Variants in PID1 observed in about 807,000 individuals in gnomAD.
PID1 encodes phosphotyrosine interaction domain containing 1, also known as PTB-containing, cubilin and LRP1-interacting protein.
PID1 carries 10 observed loss-of-function variants against 19.1 expected under a neutral mutation model. The ratio of observed to expected loss-of-function variants is 0.52; its 90% CI spans 0.32 to 0.89. PID1 has a LOEUF of 0.89. Ranked by LOEUF, PID1 falls within the 40% of genes least tolerant of loss-of-function variation. The pLI, the probability that PID1 is intolerant of heterozygous loss-of-function variation, is 0.03. For missense variants in PID1, 248 were observed against 285.3 expected, an observed-to-expected ratio of 0.87 and a Z score of 0.94; for synonymous variants, 130 against 116.0, an observed-to-expected ratio of 1.12 and a Z score of -0.78.
At chr2:229,142,172 A>G (rs1690029742) in intron 2 of PID1, among the ~76,000 whole-genome samples, 1 of 152,146 alleles carries the variant, frequency 6.6e-6, no homozygotes, top group South Asian at 2.1e-4. Context: ...GAATGGCAGT[A>G]TTTTATTTAT....
chr2:229,154,449 T>C (rs1376412505), intron 2 of PID1, among the ~76,000 whole-genome samples: 1 of 152,198 alleles, frequency 6.6e-6, no homozygotes, highest in Non-Finnish European at 1.5e-5. Flanking sequence ...CATGCTTGTT[T>C]ACCTAGATTT....
At chr2:229,047,577 GATA>G (rs1259067055) in intron 2 of PID1, among the ~76,000 whole-genome samples, 1 of 152,108 alleles carries the variant, frequency 6.6e-6, no homozygotes, top group Non-Finnish European at 1.5e-5. Flanking sequence ...AAAATATAAA[GATA>G]ATAATAACAT....
At position 229,261,147 on chromosome 2, in the gene PID1, C is replaced by A. The variant is rs115783289; in HGVS notation, c.30+9867G>T. On this transcript the variant is annotated intron_variant, in intron 1 of 2. Transcript: ENST00000392055. The stretch of plus-strand genomic sequence containing the variant: ...CCAAAGGTTGCCAGTAAACTACCAG[C>A]AGCTAGGAGAAAGCCAGGAGCTGTG... 4.5e-3 allele frequency among the ~76,000 whole-genome samples: 681 copies of A among 152,244 alleles called. 2 individuals are homozygous for A. The highest frequency in any genetic ancestry group is 0.016 in the African/African-American group (660 of 41,542).
chr2:229,031,072 C>T (rs374239430), intron 2 of PID1, among the ~76,000 whole-genome samples: 60 of 150,864 alleles, frequency 4.0e-4, no homozygotes, highest in Non-Finnish European at 6.2e-4. Context: ...AAAAATTAGC[C>T]GGGTGTGGTG....
chr2:229,240,755 A>T (rs1559299535), intron 1 of PID1, among the ~76,000 whole-genome samples: 1 of 152,078 alleles, frequency 6.6e-6, no homozygotes, highest in Non-Finnish European at 1.5e-5. Flanking sequence ...AATATTTTTC[A>T]CCAAATTTGG....
At chr2:229,240,151 T>C (rs1448267760) in intron 1 of PID1, among the ~76,000 whole-genome samples, 4 of 152,136 alleles carry the variant, frequency 2.6e-5, no homozygotes, top group Non-Finnish European at 4.4e-5. Flanking sequence ...AACAGATACA[T>C]TGCTAATTAT....
chr2:229,027,923 A>G (rs1379610915), intron 2 of PID1, among the ~76,000 whole-genome samples: 3 of 152,178 alleles, frequency 2.0e-5, no homozygotes, highest in Admixed American at 6.5e-5. Context: ...CTGAAGGGCC[A>G]AGGTCCAAGG....
intron 1 of PID1, among the ~76,000 whole-genome samples, chr2:229,175,718 GA>G (rs1179854573): frequency 1.3e-5 from 2 of 152,168 alleles, no homozygotes; most frequent in Non-Finnish European, 2.9e-5. Flanking sequence ...GAAAATAAGT[GA>G]TTCTCCTACA....
chr2:229,043,068 C>T (rs922054258), intron 2 of PID1, among the ~76,000 whole-genome samples: 8 of 150,096 alleles, frequency 5.3e-5, no homozygotes, highest in African/African-American at 2.5e-5. Context: ...TGCAGTGGAG[C>T]GATCTTGGAT....
At chr2:229,048,618 T>C (rs1559209522) in intron 2 of PID1, among the ~76,000 whole-genome samples, 1 of 152,166 alleles carries the variant, frequency 6.6e-6, no homozygotes, top group Non-Finnish European at 1.5e-5. Flanking sequence ...CAGCTCCATG[T>C]AGGCTGCAGC....
intron 1 of PID1, among the ~76,000 whole-genome samples, chr2:229,226,492 C>T (rs1692080318): frequency 6.6e-6 from 1 of 152,142 alleles, no homozygotes; most frequent in African/African-American, 2.4e-5. Context: ...AGGATGACAC[C>T]TCCCAAACCC....
At chr2:229,085,943 A>T (rs1357043638) in intron 2 of PID1, among the ~76,000 whole-genome samples, 1 of 152,068 alleles carries the variant, frequency 6.6e-6, no homozygotes, top group Non-Finnish European at 1.5e-5. Context: ...AATTAAGATT[A>T]TATTCAGATT....
chr2:229,025,511 A>T lies in PID1; in HGVS notation c.*121T>A. 1 of 732,104 alleles carries T rather than the reference A, an allele frequency of 1.4e-6. No homozygotes were observed. Among genetic ancestry groups the T allele is most frequent in the Non-Finnish European group, 2.4e-6 (1 of 421,812 alleles). The allele number at this position is 732,104 out of a possible 1,614,324, so 45.4% of individuals were successfully genotyped here. ...ATTTAGAATTGCTCTTCTGAATTTA[A>T]AAACCTTGGTCAGCCAATAGTTTGG... On this transcript the variant is annotated 3_prime_UTR_variant, in exon 3 of 3. Coordinates refer to ENST00000392055, the MANE Select transcript of PID1 (RefSeq NM_001100818.2).
intron 1 of PID1, among the ~76,000 whole-genome samples, chr2:229,204,713 G>A (rs985683705): frequency 6.6e-6 from 1 of 152,040 alleles, no homozygotes; most frequent in Admixed American, 6.6e-5. Flanking sequence ...CCTGATGCGG[G>A]GCTCAACCTG....
chr2:229,056,228 C>T (rs1177924043), intron 2 of PID1, among the ~76,000 whole-genome samples: 1 of 152,260 alleles, frequency 6.6e-6, no homozygotes, highest in South Asian at 2.1e-4. Context: ...AAAGCCCCAA[C>T]CTCTGGAAGA....
At chr2:229,218,804 T>C (rs1210895629) in intron 1 of PID1, among the ~76,000 whole-genome samples, 1 of 152,106 alleles carries the variant, frequency 6.6e-6, no homozygotes, top group Admixed American at 6.5e-5. Context: ...AGAAGACAAG[T>C]AGCAGGGATG....
At chr2:229,131,710 C>T (rs1396965061) in intron 2 of PID1, among the ~76,000 whole-genome samples, 1 of 151,990 alleles carries the variant, frequency 6.6e-6, no homozygotes, top group Non-Finnish European at 1.5e-5. Flanking sequence ...AGTAATTAAT[C>T]CTATTTGTAA....
intron 1 of PID1, among the ~76,000 whole-genome samples, chr2:229,185,985 T>C (rs1691120412): frequency 6.6e-6 from 1 of 152,144 alleles, no homozygotes; most frequent in African/African-American, 2.4e-5. Context: ...CAAAAGCAAG[T>C]TAGTTACTTC....
intron 1 of PID1, among the ~76,000 whole-genome samples, chr2:229,258,229 A>T (rs896265874): frequency 1.8e-4 from 28 of 152,226 alleles, no homozygotes; most frequent in Non-Finnish European, 1.2e-4. Context: ...ATCCAGAATG[A>T]GGAAGAATCA....
Sources: gnomAD v4.1 joint callset for allele counts (sites outside exome capture counted in the v4.1 genomes callset) on GRCh38, gnomAD v4.1.1 for gene constraint, MANE v1.5 for transcripts, NCBI Gene and HGNC (gene_info 2026-07-23, HGNC 2026-07-21) for gene names.